EPB41: variants seen among roughly 807,000 people sequenced by gnomAD.
The protein encoded by EPB41 is erythrocyte membrane protein band 4.1.
Under a neutral mutation model 108.0 loss-of-function variants are expected in EPB41, and 65 were observed. The observed-to-expected ratio is 0.60, with a 90% CI of 0.49 to 0.74. The LOEUF (loss-of-function observed/expected upper bound fraction) is 0.74, where lower values mean the gene tolerates loss of function less well. Among genes scored for constraint, EPB41 ranks in the 30% least tolerant of loss-of-function variants. The pLI is 0.00. For synonymous variants in EPB41, 336 were observed against 358.9 expected, an observed-to-expected ratio of 0.94 and a Z score of 0.72; for missense variants, 875 against 1,037.0, an observed-to-expected ratio of 0.84 and a Z score of 2.15.
At chr1:28,973,544 C>A (rs542515826) in intron 1 of EPB41, among the ~76,000 whole-genome samples, 2 of 152,086 alleles carry the variant, frequency 1.3e-5, no homozygotes, top group Non-Finnish European at 2.9e-5. Context: ...CATGCACCAC[C>A]ATGCCCGGCT....
intron 1 of EPB41, among the ~76,000 whole-genome samples, chr1:28,931,835 A>T (rs61785234): frequency 1.3e-5 from 2 of 152,048 alleles, no homozygotes; most frequent in Non-Finnish European, 2.9e-5. Context: ...CGCCCGACCA[A>T]TGACTTTGTA....
At chr1:28,942,228 TA>T (rs1371184174) in intron 1 of EPB41, among the ~76,000 whole-genome samples, 1 of 152,222 alleles carries the variant, frequency 6.6e-6, no homozygotes. Flanking sequence ...GGGTGTCCTA[TA>T]TAATTCACTT....
At chr1:29,047,274 A>G (rs1643534006) in intron 11 of EPB41, among the ~76,000 whole-genome samples, 1 of 63,596 alleles carries the variant, frequency 1.6e-5, no homozygotes, top group Non-Finnish European at 2.5e-5. Flanking sequence ...TTTTTTGGAG[A>G]GAGAGTCTTA....
chr1:28,909,072 T>C (rs1001260424), intron 1 of EPB41, among the ~76,000 whole-genome samples: 4 of 149,522 alleles, frequency 2.7e-5, no homozygotes, highest in African/African-American at 4.9e-5. Context: ...GGCAGGAGAA[T>C]CTCTTGATTC....
intron 1 of EPB41, among the ~76,000 whole-genome samples, chr1:28,943,075 A>G (rs2094355967): frequency 6.6e-6 from 1 of 152,212 alleles, no homozygotes; most frequent in South Asian, 2.1e-4. Flanking sequence ...AACTCAGTTT[A>G]TTGGAATAAA....
chr1:29,046,476 G>A (rs1211924670), intron 11 of EPB41, among the ~76,000 whole-genome samples: 1 of 152,066 alleles, frequency 6.6e-6, no homozygotes, highest in African/African-American at 2.4e-5. Flanking sequence ...ATTATTTGGG[G>A]TATACATTAT....
intron 10 of EPB41, among the ~76,000 whole-genome samples, chr1:29,037,958 C>T (rs1171205850): frequency 6.6e-6 from 1 of 152,128 alleles, no homozygotes; most frequent in Non-Finnish European, 1.5e-5. Flanking sequence ...AATCTTGTTT[C>T]TTCTATATCC....
chr1:29,100,627 T>A (rs1664993078), intron 17 of EPB41, among the ~76,000 whole-genome samples: 2 of 145,790 alleles, frequency 1.4e-5, no homozygotes, highest in African/African-American at 2.5e-5. Context: ...CCCATCTCTT[T>A]TATATATATA....
At chr1:28,905,880 C>T (rs571609611) in intron 1 of EPB41, among the ~76,000 whole-genome samples, 1 of 148,430 alleles carries the variant, frequency 6.7e-6, no homozygotes, top group African/African-American at 2.5e-5. Context: ...TGCAGTGGCG[C>T]GATCTCGGCT....
intron 1 of EPB41, among the ~76,000 whole-genome samples, chr1:28,895,391 T>C (rs946211217): frequency 2.0e-5 from 3 of 152,178 alleles, no homozygotes; most frequent in Admixed American, 6.6e-5. Context: ...CCCCGCTTCA[T>C]GGCACTGGGT....
Position 28,994,317 on chromosome 1 carries a change from A to G in EPB41, c.681+775A>G, listed in dbSNP as rs1375615236. ...CTCCAGAGTAGCTGGGACTACAGGC[A>G]CCCGCCACCACGCCTGGCTAGTTTT... On this transcript the variant is annotated intron_variant, in intron 3 of 20. Transcript: ENST00000343067. Among the ~76,000 whole-genome samples the G allele has an allele frequency of 2.0e-5, 3 of 151,936 alleles. No individual in the cohort carries two copies. The East Asian group carries it at 5.9e-4, about 30-fold the overall frequency.
chr1:29,095,700 A>G (rs749227026), intron 16 of EPB41, among the ~76,000 whole-genome samples: 4 of 151,962 alleles, frequency 2.6e-5, no homozygotes, highest in Non-Finnish European at 5.9e-5. Flanking sequence ...TAAACCCAGG[A>G]ATTCAAGGCT....
intron 1 of EPB41, among the ~76,000 whole-genome samples, chr1:28,918,678 G>A (rs995987170): frequency 1.3e-5 from 2 of 152,284 alleles, no homozygotes; most frequent in East Asian, 1.9e-4. Context: ...TTGGGAGGCC[G>A]AGGCCCACGG....
At chr1:29,023,682 C>T (rs2762680) in intron 7 of EPB41, among the ~76,000 whole-genome samples, 3,081 of 151,302 alleles carry the variant, frequency 0.02, 137 homozygotes, top group African/African-American at 0.07. Context: ...AGCAAAACTC[C>T]GTCTCAAAAA....
intron 15 of EPB41, among the ~76,000 whole-genome samples, chr1:29,060,887 A>T (rs1225091980): frequency 6.6e-6 from 1 of 152,204 alleles, no homozygotes; most frequent in East Asian, 1.9e-4. Context: ...AAAAGAAGGG[A>T]ATTCAGAATG....
At chr1:29,030,786 A>AG (rs1202122693) in intron 8 of EPB41, among the ~76,000 whole-genome samples, 3 of 151,850 alleles carry the variant, frequency 2.0e-5, no homozygotes, top group African/African-American at 7.2e-5. Context: ...AAAAAAAAAA[A>AG]AGAGAGAGAA....
chr1:29,079,413 T>C (rs928294235), intron 16 of EPB41, among the ~76,000 whole-genome samples: 2 of 151,482 alleles, frequency 1.3e-5, no homozygotes, highest in Non-Finnish European at 2.9e-5. Context: ...TTCTAATTAT[T>C]ACCTTTTTTT....
At chr1:28,965,297 A>G (rs552523209) in intron 1 of EPB41, among the ~76,000 whole-genome samples, 1 of 152,288 alleles carries the variant, frequency 6.6e-6, no homozygotes, top group South Asian at 2.1e-4. Flanking sequence ...TAATTCTCAT[A>G]GGCCTCCAAT....
intron 14 of EPB41, among the ~76,000 whole-genome samples, chr1:29,059,630 T>C (rs986813828): frequency 6.6e-6 from 1 of 151,580 alleles, no homozygotes; most frequent in African/African-American, 2.4e-5. Flanking sequence ...AAAAATAAAT[T>C]AGCCAGGCAT....
Sources: allele counts gnomAD v4.1 joint callset (sites outside exome capture counted in the v4.1 genomes callset), GRCh38; gene constraint gnomAD v4.1.1; transcripts MANE v1.5; gene names NCBI Gene and HGNC (gene_info 2026-07-23, HGNC 2026-07-21).